The following CTNNA3 variants were observed in gnomAD, a reference collection of about 807,000 sequenced individuals.
The protein encoded by CTNNA3 is catenin alpha-3.
CTNNA3 carries 76 observed loss-of-function variants against 95.7 expected under a neutral mutation model. That is an observed-to-expected ratio of 0.79 (90% CI 0.66 to 0.96). The LOEUF (loss-of-function observed/expected upper bound fraction) is 0.96. Ranked by LOEUF, CTNNA3 falls within the 40% of genes least tolerant of loss-of-function variation. CTNNA3 has a pLI of 0.00. For missense variants in CTNNA3, 1,191 were observed against 1,089.8 expected (o/e 1.09, Z -1.31); for synonymous variants, 431 against 374.4 (o/e 1.15, Z -1.74).
chr10:66,501,672 T>C (rs1013975764), intron 11 of CTNNA3, among the ~76,000 whole-genome samples: 1 of 152,168 alleles, frequency 6.6e-6, no homozygotes, highest in Non-Finnish European at 1.5e-5. Flanking sequence ...ATTTAAATCT[T>C]GTTGTCATGC....
intron 9 of CTNNA3, among the ~76,000 whole-genome samples, chr10:66,740,335 C>T (rs764589587): frequency 3.3e-5 from 5 of 152,170 alleles, no homozygotes; most frequent in Non-Finnish European, 7.3e-5. Flanking sequence ...AGAAGTCCCA[C>T]ACTGGCACAG....
intron 9 of CTNNA3, among the ~76,000 whole-genome samples, chr10:66,759,285 C>A (rs1290149268): frequency 6.6e-6 from 1 of 152,144 alleles, no homozygotes; most frequent in Non-Finnish European, 1.5e-5. Flanking sequence ...TGTTCGTATT[C>A]ATTGGATCCT....
At chr10:66,005,784 C>T (rs1295949908) in intron 15 of CTNNA3, among the ~76,000 whole-genome samples, 1 of 151,940 alleles carries the variant, frequency 6.6e-6, no homozygotes, top group Non-Finnish European at 1.5e-5. Context: ...ATTATATATA[C>T]TAATTTCCTC....
chr10:67,396,450 T>C (rs1480161862), intron 5 of CTNNA3, among the ~76,000 whole-genome samples: 1 of 152,144 alleles, frequency 6.6e-6, no homozygotes, highest in African/African-American at 2.4e-5. Context: ...ATTATAAGCA[T>C]CAAAATCAAT....
chr10:66,570,280 T>G (rs576026630), intron 10 of CTNNA3, among the ~76,000 whole-genome samples: 9 of 138,072 alleles, frequency 6.5e-5, no homozygotes, highest in Non-Finnish European at 1.2e-4. Context: ...ATATGATTTG[T>G]TTTGTTTTGT....
chr10:67,588,669 T>C (rs910771339), intron 3 of CTNNA3, among the ~76,000 whole-genome samples: 15 of 152,076 alleles, frequency 9.9e-5, no homozygotes, highest in African/African-American at 3.4e-4. Context: ...CTGAGTAGTA[T>C]ACAAAAAGTT....
chr10:66,210,416 A>G (rs922966281), intron 13 of CTNNA3, among the ~76,000 whole-genome samples: 8 of 152,052 alleles, frequency 5.3e-5, no homozygotes, highest in African/African-American at 1.9e-4. Context: ...ATAAGGGAGT[A>G]CTACTTTTTA....
intron 2 of CTNNA3, among the ~76,000 whole-genome samples, chr10:67,607,348 G>A (rs1161458244): frequency 2.0e-5 from 3 of 148,960 alleles, no homozygotes; most frequent in African/African-American, 5.2e-5. Context: ...CTAGAGAGAC[G>A]ATAGTGTTAT....
At chr10:66,375,304 G>A (rs2092787897) in intron 12 of CTNNA3, among the ~76,000 whole-genome samples, 1 of 151,982 alleles carries the variant, frequency 6.6e-6, no homozygotes, top group Non-Finnish European at 1.5e-5. Flanking sequence ...GGTAAACTGA[G>A]TGAAGAAGAC....
intron 9 of CTNNA3, among the ~76,000 whole-genome samples, chr10:66,667,590 C>T (rs893200914): frequency 6.6e-6 from 1 of 152,106 alleles, no homozygotes; most frequent in East Asian, 1.9e-4. Flanking sequence ...AAGTGTCTCA[C>T]AGAAATCCAG....
chr10:66,570,073 T>G (rs1217231004), intron 10 of CTNNA3, among the ~76,000 whole-genome samples: 1 of 152,088 alleles, frequency 6.6e-6, no homozygotes, highest in African/African-American at 2.4e-5. Flanking sequence ...CTTTCCAAAA[T>G]GAGGTGTAAG....
In CTNNA3 at chr10:66,597,549, TA is replaced by T. The variant is rs1564558073; in HGVS notation, c.1374+24142del. ...ATATATATATATATATATATATATA[TA>T]TATATTTATTAAAAATTTTAAAAAT... On this transcript the variant is annotated intron_variant, in intron 10 of 17. Transcript: ENST00000433211. 9.7e-4 allele frequency among the ~76,000 whole-genome samples: 127 copies of T among 130,460 alleles called. 2 individuals carry two copies. In the East Asian group the frequency reaches 0.019, roughly 20 times the overall value. The allele number at this position is 130,460 out of a possible 152,430, so 85.6% of individuals were successfully genotyped here. A position where few individuals can be genotyped will look rare whatever the true frequency, so the allele number is the denominator to read the frequency against.
chr10:67,762,812 T>A (rs1236427251), intron 1 of CTNNA3, among the ~76,000 whole-genome samples: 3 of 152,200 alleles, frequency 2.0e-5, no homozygotes, highest in Non-Finnish European at 4.4e-5. Context: ...ATCTACAGAT[T>A]AGGGACATTG....
chr10:67,434,089 A>G (rs1846217069), intron 5 of CTNNA3, among the ~76,000 whole-genome samples: 1 of 152,012 alleles, frequency 6.6e-6, no homozygotes, highest in Non-Finnish European at 1.5e-5. Flanking sequence ...TGTCTCCTCT[A>G]TTAATCTGAA....
chr10:66,641,790 C>T (rs1212393398), intron 9 of CTNNA3, among the ~76,000 whole-genome samples: 2 of 152,088 alleles, frequency 1.3e-5, no homozygotes, highest in Non-Finnish European at 2.9e-5. Context: ...TAATGGTCTG[C>T]TTTGCTGTCT....
intron 5 of CTNNA3, among the ~76,000 whole-genome samples, chr10:67,285,135 C>T (rs559781366): frequency 7.9e-5 from 12 of 152,206 alleles, no homozygotes; most frequent in Admixed American, 7.9e-4. Context: ...GTTTGCTGTT[C>T]TCATGTTAAT....
At chr10:67,589,010 T>C (rs1267381986) in intron 3 of CTNNA3, among the ~76,000 whole-genome samples, 1 of 151,994 alleles carries the variant, frequency 6.6e-6, no homozygotes, top group Non-Finnish European at 1.5e-5. Flanking sequence ...GAGCCCAGCA[T>C]ATATAACAGA....
At chr10:66,902,122 T>C (rs980625411) in intron 7 of CTNNA3, among the ~76,000 whole-genome samples, 1 of 152,134 alleles carries the variant, frequency 6.6e-6, no homozygotes, top group Non-Finnish European at 1.5e-5. Flanking sequence ...ACTGACCACA[T>C]GATTGGAAGT....
chr10:66,224,869 C>G (rs1164831716), intron 13 of CTNNA3, among the ~76,000 whole-genome samples: 1 of 151,964 alleles, frequency 6.6e-6, no homozygotes, highest in Non-Finnish European at 1.5e-5. Context: ...TCTTTATTTT[C>G]TAAGTCCAAT....
Sources: allele counts gnomAD v4.1 joint callset (sites outside exome capture counted in the v4.1 genomes callset), GRCh38; gene constraint gnomAD v4.1.1; transcripts MANE v1.5; gene names NCBI Gene and HGNC (gene_info 2026-07-23, HGNC 2026-07-21).